The following SPECC1 variants were observed in gnomAD, a reference collection of about 807,000 sequenced individuals.
The protein encoded by SPECC1 is sperm antigen with calponin homology and coiled-coil domains 1.
SPECC1 carries 62 observed loss-of-function variants against 104.1 expected under a neutral mutation model. The ratio of observed to expected loss-of-function variants is 0.60; its 90% CI spans 0.49 to 0.74. The LOEUF (loss-of-function observed/expected upper bound fraction) is 0.74. Ranked by LOEUF, SPECC1 falls within the 30% of genes least tolerant of loss-of-function variation. The pLI, the probability that SPECC1 is intolerant of heterozygous loss-of-function variation, is 0.00. For synonymous variants in SPECC1, 513 were observed against 501.6 expected (o/e 1.02, Z -0.30); for missense variants, 1,306 against 1,310.5 (o/e 1.00, Z 0.05).
chr17:20,138,626 T>C (rs1464442350), intron 3 of SPECC1, among the ~76,000 whole-genome samples: 1 of 152,218 alleles, frequency 6.6e-6, no homozygotes, highest in Non-Finnish European at 1.5e-5. Context: ...ATACAGTATG[T>C]CACCTTTTAT....
intron 3 of SPECC1, among the ~76,000 whole-genome samples, chr17:20,193,307 A>C (rs969634813): frequency 6.6e-6 from 1 of 152,110 alleles, no homozygotes; most frequent in Non-Finnish European, 1.5e-5. Context: ...CTGTTATCTC[A>C]TCCTGTGACT....
At chr17:20,288,073 G>A (rs1272836810) in intron 12 of SPECC1, among the ~76,000 whole-genome samples, 2 of 151,752 alleles carry the variant, frequency 1.3e-5, no homozygotes, top group Non-Finnish European at 2.9e-5. Context: ...TTCTGTACTA[G>A]TTTGCTGAGG....
At chr17:20,132,046 C>T (rs982576482) in intron 3 of SPECC1, among the ~76,000 whole-genome samples, 3 of 152,052 alleles carry the variant, frequency 2.0e-5, no homozygotes, top group South Asian at 2.1e-4. Flanking sequence ...TCCTCTATTC[C>T]AGTTTTTCTA....
chr17:20,099,694 CAAAAAAAAAAAAAA>C (rs768172798), intron 2 of SPECC1, among the ~76,000 whole-genome samples: 2 of 17,408 alleles, frequency 1.1e-4, no homozygotes, highest in African/African-American at 1.8e-4. Flanking sequence ...CACTCTATCT[CAAAAAAAAAAAAAA>C]AAAAAAAAAA....
At chr17:20,060,291 CTTTG>C in intron 1 of SPECC1, among the ~76,000 whole-genome samples, 1 of 152,124 alleles carries the variant, frequency 6.6e-6, no homozygotes, top group African/African-American at 2.4e-5. Flanking sequence ...GACCATCAAA[CTTTG>C]AAAGTGACAT....
At chr17:20,215,059 A>G (rs1052858639) in intron 4 of SPECC1, among the ~76,000 whole-genome samples, 1 of 152,266 alleles carries the variant, frequency 6.6e-6, no homozygotes, top group African/African-American at 2.4e-5. Flanking sequence ...TGCTGTCAGC[A>G]ACTGCCGATG....
intron 1 of SPECC1, among the ~76,000 whole-genome samples, chr17:20,021,257 C>T (rs2044363912): frequency 6.6e-6 from 1 of 151,800 alleles, no homozygotes; most frequent in Admixed American, 6.6e-5. Context: ...GCAGTTCAAA[C>T]CTGTGCTATT....
chr17:20,132,057 A>G (rs2049672968), intron 3 of SPECC1, among the ~76,000 whole-genome samples: 1 of 151,822 alleles, frequency 6.6e-6, no homozygotes, highest in African/African-American at 2.4e-5. Context: ...AGTTTTTCTA[A>G]GATTTTTTTT....
Position 20,260,851 on chromosome 17 carries a change from G to A in SPECC1, c.2940+557G>A, listed in dbSNP as rs2040000728. 2.0e-5 allele frequency among the ~76,000 whole-genome samples: 3 copies of A among 152,092 alleles called. No individual in the cohort carries two copies. In the South Asian group the frequency reaches 6.2e-4, roughly 31 times the overall value. ...TATGAGGGGTAGGGGATGTGGGTCAGTTTATCTGCTGGCGACGGTTGTCTT... is the reference window on the plus strand; with the variant it reads ...TATGAGGGGTAGGGGATGTGGGTCAATTTATCTGCTGGCGACGGTTGTCTT... On this transcript the variant is annotated intron_variant, in intron 12 of 14. Coordinates refer to ENST00000395527, the MANE Select transcript of SPECC1 (RefSeq NM_001243439.2).
chr17:20,177,112 C>CA (rs960589800), intron 3 of SPECC1, among the ~76,000 whole-genome samples: 1 of 152,030 alleles, frequency 6.6e-6, no homozygotes, highest in African/African-American at 2.4e-5. Flanking sequence ...ATGAAGAGGC[C>CA]AGGGAAGTTT....
At chr17:20,168,560 T>C (rs1182065903) in intron 3 of SPECC1, among the ~76,000 whole-genome samples, 2 of 152,192 alleles carry the variant, frequency 1.3e-5, no homozygotes, top group East Asian at 3.9e-4. Context: ...TACAAGACTG[T>C]ATGACACTGT....
At chr17:20,195,819 A>G (rs2035995721) in intron 3 of SPECC1, among the ~76,000 whole-genome samples, 1 of 152,216 alleles carries the variant, frequency 6.6e-6, no homozygotes, top group Non-Finnish European at 1.5e-5. Flanking sequence ...TTTGACCATA[A>G]GGTAAGATTC....
At chr17:20,221,626 AT>A (rs569496612) in intron 4 of SPECC1, among the ~76,000 whole-genome samples, 17 of 150,398 alleles carry the variant, frequency 1.1e-4, no homozygotes, top group Admixed American at 3.3e-4. Context: ...GATCTTTTGT[AT>A]TTTTTTCATT....
intron 3 of SPECC1, among the ~76,000 whole-genome samples, chr17:20,121,917 C>T (rs2049052538): frequency 6.6e-6 from 1 of 152,206 alleles, no homozygotes; most frequent in Admixed American, 6.5e-5. Flanking sequence ...TTGATTAATT[C>T]AACAAATATC....
In SPECC1 at chr17:20,232,299, G is replaced by A. The variant is rs757565254; in HGVS notation, c.2245G>A (p.Val749Met). 166 of 1,614,072 alleles carry A rather than the reference G, an allele frequency of 1.0e-4. No individual in the cohort carries two copies. In the Admixed American group the frequency reaches 1.8e-3, roughly 18 times the overall value. ...TGAGGCCCAGCAGGAGCTGCGCACC[G>A]TGAAGAGGAAACTGCTGGAGGAGGA... is the stretch of plus-strand genomic sequence containing the variant. ...KCEAQQELRT[V>M]KRKLLEEEEK... The change falls in exon 7 of 15, where the codon GTG (valine) becomes ATG (methionine). Residue 749 changes from valine to methionine, a missense_variant. Around this residue, in one of 2 missense-constraint regions of SPECC1, gnomAD observed 1,177 missense variants for 1,139.9 expected, o/e 1.03. Transcript: ENST00000395527.
intron 3 of SPECC1, among the ~76,000 whole-genome samples, chr17:20,169,019 T>A (rs749354562): frequency 2.0e-5 from 3 of 152,096 alleles, no homozygotes; most frequent in African/African-American, 2.4e-5. Context: ...ACTACAGGCA[T>A]GCGCTACCAC....
intron 1 of SPECC1, chr17:20,057,557 C>T (rs1597626680): frequency 6.6e-6 from 1 of 152,308 alleles, no homozygotes; most frequent in Non-Finnish European, 1.5e-5. Context: ...GCAGCATGAC[C>T]ACGGCTCACT....
intron 12 of SPECC1, among the ~76,000 whole-genome samples, chr17:20,288,661 C>T (rs2041043814): frequency 6.6e-6 from 1 of 151,566 alleles, no homozygotes; most frequent in South Asian, 2.1e-4. Flanking sequence ...CATTATCATG[C>T]TGTTGATAAA....
chr17:20,088,357 G>A (rs1434340584), intron 1 of SPECC1, among the ~76,000 whole-genome samples: 1 of 152,160 alleles, frequency 6.6e-6, no homozygotes, highest in Non-Finnish European at 1.5e-5. Context: ...TGCTGAATGG[G>A]CATTAAGTGG....
Sources: allele counts gnomAD v4.1 joint callset (sites outside exome capture counted in the v4.1 genomes callset), GRCh38; gene constraint gnomAD v4.1.1; regional missense constraint gnomAD v4.1.1; transcripts MANE v1.5; gene names NCBI Gene and HGNC (gene_info 2026-07-23, HGNC 2026-07-21).